The following SPPL3 variants were observed in gnomAD, a reference collection of about 807,000 sequenced individuals.
SPPL3 encodes the protein signal peptide peptidase like 3, also known as signal peptide peptidase-like 3.
SPPL3 carries 5 observed loss-of-function variants against 42.4 expected under a neutral mutation model. The ratio of observed to expected loss-of-function variants is 0.12; its 90% CI spans 0.06 to 0.25. The LOEUF is 0.25. Ranked by LOEUF, SPPL3 falls within the 10% of genes least tolerant of loss-of-function variation. The pLI is 1.00. For missense variants in SPPL3, 235 were observed against 489.0 expected, an observed-to-expected ratio of 0.48 and a Z score of 4.90; for synonymous variants, 195 against 181.8, an observed-to-expected ratio of 1.07 and a Z score of -0.58.
At chr12:120,869,017 A>G (rs951866270) in intron 1 of SPPL3, among the ~76,000 whole-genome samples, 1 of 152,216 alleles carries the variant, frequency 6.6e-6, no homozygotes, top group African/African-American at 2.4e-5. Flanking sequence ...AATAGTCTAC[A>G]TAACTTAAAA....
Position 120,791,520 on chromosome 12 carries a change from T to C in SPPL3, c.139A>G (p.Lys47Glu). ...NMDFENQDKE[K>E]DSNSSSGSFN... is the part of the protein sequence containing the mutation. ...GACCCAGAAGAACTATTACTGTCTT[T>C]CTCCTTATCTTGATTTTCAAAGTCC... is the stretch of plus-strand genomic sequence containing the variant. Residue 47 changes from lysine to glutamate, a missense_variant, in exon 3 of 11, where the codon AAA (lysine) becomes GAA (glutamate). Transcript: ENST00000353487. 1.2e-6 allele frequency: 2 copies of C among 1,606,146 alleles called. No individual in the cohort carries two copies. The highest frequency in any genetic ancestry group is 1.7e-6 in the Non-Finnish European group (2 of 1,178,382).
Position 120,767,456 on chromosome 12 carries a change from T to C in SPPL3, c.911A>G (p.Asn304Ser), listed in dbSNP as rs148325902. The change falls in exon 9 of 11, where the codon AAC (asparagine) becomes AGC (serine). Residue 304 changes from asparagine to serine, a missense_variant. This residue lies in a region of SPPL3 where 29 missense variants were observed against 16.4 expected (regional missense o/e 1.77). Transcript: ENST00000353487. ...GDSCGAPGPA[N>S]ISGRMQKVSY... ...GACCTTCTGCATGCGCCCGGAGATG[T>C]TGGCAGGTCCAGGGGCCCCACAGGA... 5 of 1,614,138 alleles carry C rather than the reference T, an allele frequency of 3.1e-6. No homozygotes were observed. Among genetic ancestry groups the C allele is most frequent in the Admixed American group, 1.7e-5 (1 of 60,024 alleles).
Position 120,782,876 on chromosome 12 carries a change from T to C in SPPL3, c.390-109A>G, listed in dbSNP as rs142624837. ...ATTAGAATAGCAGATAATACCAAGA[T>C]AGCTGGAAATCCAAAATACCCAATC... On this transcript the variant is annotated intron_variant, in intron 5 of 10. Coordinates refer to ENST00000353487, the MANE Select transcript of SPPL3 (RefSeq NM_139015.5). 7.2e-4 allele frequency: 562 copies of C among 778,388 alleles called. 3 individuals carry two copies. Among genetic ancestry groups the C allele is most frequent in the East Asian group, 3.1e-4 (11 of 35,652 alleles). The allele number at this position is 778,388 out of a possible 1,614,324, so 48.2% of individuals were successfully genotyped here. A position where few individuals can be genotyped will look rare whatever the true frequency, so the allele number is the denominator to read the frequency against.
intron 1 of SPPL3, among the ~76,000 whole-genome samples, chr12:120,821,204 G>C (rs995452789): frequency 6.6e-6 from 1 of 152,186 alleles, no homozygotes; most frequent in Non-Finnish European, 1.5e-5. Flanking sequence ...GCCGGGGGCG[G>C]GGAGAGGGAT....
intron 2 of SPPL3, chr12:120,791,969 T>C: frequency 5.7e-6 from 1 of 174,414 alleles, no homozygotes; most frequent in East Asian, 1.8e-4. Context: ...CCCTATACCC[T>C]GTCAGCTGTG....
At chr12:120,862,014 T>A (rs1872629971) in intron 1 of SPPL3, among the ~76,000 whole-genome samples, 1 of 152,186 alleles carries the variant, frequency 6.6e-6, no homozygotes, top group Non-Finnish European at 1.5e-5. Flanking sequence ...TGAATTACAA[T>A]GTAGGCAGTA....
chr12:120,885,507 T>C (rs890826670), intron 1 of SPPL3, among the ~76,000 whole-genome samples: 3 of 152,194 alleles, frequency 2.0e-5, no homozygotes, highest in Non-Finnish European at 4.4e-5. Flanking sequence ...TGAGTACCAC[T>C]TAGAATAACT....
At chr12:120,902,865 C>G (rs1874026370) in intron 1 of SPPL3, among the ~76,000 whole-genome samples, 1 of 152,196 alleles carries the variant, frequency 6.6e-6, no homozygotes. Flanking sequence ...TTCCACTCTT[C>G]ATGGATACTG....
At chr12:120,786,847 G>A (rs1869737895) in intron 3 of SPPL3, among the ~76,000 whole-genome samples, 1 of 152,074 alleles carries the variant, frequency 6.6e-6, no homozygotes, top group Non-Finnish European at 1.5e-5. Flanking sequence ...CCAAACTCCA[G>A]TAACTTAAAA....
At chr12:120,766,146 G>T in intron 10 of SPPL3, 117 bp downstream of exon 10, 5 of 684,178 alleles carry the variant, frequency 7.3e-6, no homozygotes, top group Admixed American at 2.8e-5. Flanking sequence ...ACACACAGTC[G>T]AGATCACAAG....
intron 2 of SPPL3, among the ~76,000 whole-genome samples, chr12:120,793,987 G>A (rs566704): frequency 0.76 from 114,896 of 152,148 alleles, 44,446 homozygotes; most frequent in African/African-American, 0.91. Flanking sequence ...TCTATTATTG[G>A]GAGTGGTACT....
At chr12:120,876,802 A>AACATATAC (rs1367443066) in intron 1 of SPPL3, among the ~76,000 whole-genome samples, 1 of 68,038 alleles carries the variant, frequency 1.5e-5, no homozygotes, top group African/African-American at 5.5e-5. Context: ...TACCTTGAGA[A>AACATATAC]ACACATACAC....
rs755149548 is a variant in SPPL3, at chr12:120,874,997, T to A, written c.23+28848A>T. Among the ~76,000 whole-genome samples the A allele has an allele frequency of 2.0e-5, 3 of 152,296 alleles. No homozygotes were observed. The East Asian group carries it at 5.8e-4, about 29-fold the overall frequency. ...AAATTTAGGCCACATAAAAAGGTCA[T>A]GTGCACGGGTTCCGGCCAACAGACT... is the stretch of plus-strand genomic sequence containing the variant. On this transcript the variant is annotated intron_variant, in intron 1 of 10. Coordinates refer to ENST00000353487, the MANE Select transcript of SPPL3 (RefSeq NM_139015.5).
intron 1 of SPPL3, among the ~76,000 whole-genome samples, chr12:120,830,198 G>C (rs547687802): frequency 1.5e-5 from 2 of 133,972 alleles, no homozygotes; most frequent in African/African-American, 5.7e-5. Context: ...AGTGAACACA[G>C]AGCATGAGTG....
At chr12:120,832,995 G>A (rs966202469) in intron 1 of SPPL3, among the ~76,000 whole-genome samples, 4 of 152,242 alleles carry the variant, frequency 2.6e-5, no homozygotes, top group East Asian at 1.9e-4. Flanking sequence ...GTAATAAGAT[G>A]TGCATAAAAT....
Position 120,769,077 on chromosome 12 carries a change from T to TACAGCAG in SPPL3, c.503-25_503-19dup. The TACAGCAG allele has an allele frequency of 6.3e-7, 1 of 1,582,992 alleles. No individual in the cohort carries two copies. The highest frequency in any genetic ancestry group is 8.6e-7 in the Non-Finnish European group (1 of 1,160,642). ...GGCCAGTGCTGGGGAGGAGACAGGG[T>TACAGCAG]ACAGCAGACAGCAGTCAGTGTGGAC... On this transcript the variant is annotated intron_variant, in intron 6 of 10. Coordinates refer to ENST00000353487, the MANE Select transcript of SPPL3 (RefSeq NM_139015.5).
chr12:120,777,773 G>C (rs1329440242), intron 6 of SPPL3, among the ~76,000 whole-genome samples: 3 of 152,222 alleles, frequency 2.0e-5, no homozygotes, highest in African/African-American at 7.2e-5. Flanking sequence ...TATATGCATA[G>C]TGGGTTCTCT....
chr12:120,868,576 G>A (rs891464694), intron 1 of SPPL3, among the ~76,000 whole-genome samples: 9 of 152,200 alleles, frequency 5.9e-5, no homozygotes, highest in South Asian at 2.1e-4. Flanking sequence ...CCACCTCCTG[G>A]GTTCAAGCGA....
chr12:120,888,998 G>C (rs1312615277), intron 1 of SPPL3, among the ~76,000 whole-genome samples: 1 of 151,984 alleles, frequency 6.6e-6, no homozygotes, highest in Non-Finnish European at 1.5e-5. Flanking sequence ...ATTTTTAGTA[G>C]AGATGGGGTT....
Sources: allele counts gnomAD v4.1 joint callset (sites outside exome capture counted in the v4.1 genomes callset), GRCh38; gene constraint gnomAD v4.1.1; regional missense constraint gnomAD v4.1.1; transcripts MANE v1.5; gene names NCBI Gene and HGNC (gene_info 2026-07-23, HGNC 2026-07-21).